Variants in PUS7 observed in about 807,000 individuals in gnomAD.
PUS7 encodes pseudouridine synthase 7, also known as pseudouridylate synthase 7 homolog.
PUS7 carries 48 observed loss-of-function variants against 79.8 expected under a neutral mutation model. The ratio of observed to expected loss-of-function variants is 0.60; its 90% CI spans 0.48 to 0.76. PUS7 has a LOEUF of 0.76. Among genes scored for constraint, PUS7 ranks in the 30% least tolerant of loss-of-function variants. The pLI, the probability that PUS7 is intolerant of heterozygous loss-of-function variation, is 0.00. For synonymous variants in PUS7, 286 were observed against 272.2 expected, an observed-to-expected ratio of 1.05 and a Z score of -0.50; for missense variants, 729 against 797.6, an observed-to-expected ratio of 0.91 and a Z score of 1.04.
intron 12 of PUS7, among the ~76,000 whole-genome samples, chr7:105,466,239 C>G (rs1203827110): frequency 1.3e-5 from 2 of 151,868 alleles, no homozygotes; most frequent in Non-Finnish European, 2.9e-5. Context: ...AAATCAAGGA[C>G]TTAGAAAAAG....
chr7:105,481,537 T>A (rs181071145), intron 8 of PUS7, among the ~76,000 whole-genome samples: 15 of 152,332 alleles, frequency 9.8e-5, no homozygotes, highest in Admixed American at 7.2e-4. Flanking sequence ...GGGTTAATTA[T>A]ATGCACAATG....
Position 105,465,430 on chromosome 7 carries a change from T to G in PUS7, c.1526-16A>C. On this transcript the variant is annotated splice_polypyrimidine_tract_variant and intron_variant, in intron 12 of 15. Coordinates refer to ENST00000469408, the MANE Select transcript of PUS7 (RefSeq NM_019042.5). ...GTGGCTGTGGCTGTAAATTCACAAG[T>G]GAACAATAAATTAAGAAAATAGGCA... 1 of 1,547,416 alleles carries G rather than the reference T, an allele frequency of 6.5e-7. No individual in the cohort carries two copies. Among genetic ancestry groups the G allele is most frequent in the South Asian group, 1.1e-5 (1 of 88,294 alleles).
At chr7:105,509,564 G>T (rs1451765423) in intron 1 of PUS7, among the ~76,000 whole-genome samples, 1 of 152,078 alleles carries the variant, frequency 6.6e-6, no homozygotes, top group Non-Finnish European at 1.5e-5. Context: ...TCCAACTCCT[G>T]GGCTCAAGCA....
intron 7 of PUS7, among the ~76,000 whole-genome samples, chr7:105,483,092 T>C (rs1824393655): frequency 6.6e-6 from 1 of 152,186 alleles, no homozygotes; most frequent in Non-Finnish European, 1.5e-5. Flanking sequence ...AGGAAATGTA[T>C]ATAGAGAAAC....
intron 14 of PUS7, among the ~76,000 whole-genome samples, chr7:105,460,428 A>C (rs1266074805): frequency 6.6e-6 from 1 of 152,216 alleles, no homozygotes; most frequent in Non-Finnish European, 1.5e-5. Context: ...CCTATACTCC[A>C]GAGAGGAGGA....
intron 14 of PUS7, 108 bp downstream of exon 14, chr7:105,462,512 TG>T: frequency 8.8e-7 from 1 of 1,137,606 alleles, no homozygotes; most frequent in Non-Finnish European, 1.3e-6. Flanking sequence ...ATAAGCAATC[TG>T]TCACTGACTG....
At position 105,457,296 on chromosome 7, in the gene PUS7, A is replaced by T. The variant is rs959940409; in HGVS notation, c.*494T>A. 2 of 152,202 alleles carry T rather than the reference A, an allele frequency of 1.3e-5. No individual in the cohort carries two copies. The highest frequency in any genetic ancestry group is 4.8e-5 in the African/African-American group (2 of 41,434). The allele number at this position is 152,202 out of a possible 1,614,324, so 9.4% of individuals were successfully genotyped here. On this transcript the variant is annotated 3_prime_UTR_variant, in exon 16 of 16. Coordinates refer to ENST00000469408, the MANE Select transcript of PUS7 (RefSeq NM_019042.5). ...TAATGACAATCACTTTTTGTTTATA[A>T]ATTTGTAGATGTCTTATTATTTCAG...
intron 7 of PUS7, among the ~76,000 whole-genome samples, chr7:105,491,047 A>T (rs1229356386): frequency 4.6e-5 from 7 of 152,332 alleles, no homozygotes; most frequent in Non-Finnish European, 1.5e-5. Context: ...CCCATTTTCT[A>T]TGAAAGCTTT....
intron 2 of PUS7, among the ~76,000 whole-genome samples, chr7:105,506,808 G>C (rs957860842): frequency 4.6e-5 from 7 of 152,060 alleles, no homozygotes; most frequent in African/African-American, 1.4e-4. Flanking sequence ...TTAGCTTCTA[G>C]AATATTCTTC....
chr7:105,459,249 C>T lies in PUS7; in HGVS notation c.1768G>A (p.Ala590Thr), dbSNP rs1298943162. The T allele has an allele frequency of 8.1e-6, 13 of 1,607,918 alleles. No homozygotes were observed. The highest frequency in any genetic ancestry group is 1.3e-5 in the African/African-American group (1 of 74,760). ...RPQNVSWEVV[A>T]YDDPKIPLFN... is the part of the protein sequence containing the mutation. Reference sequence around the variant, plus strand: ...AGTGGAATTTTGGGATCATCATATGCAACGACTTCCCTTCAAAACATATGA... The same window carrying T: ...AGTGGAATTTTGGGATCATCATATGTAACGACTTCCCTTCAAAACATATGA... The change falls in exon 15 of 16, where the codon GCA becomes ACA. Residue 590 changes from alanine (A) to threonine (T), a missense_variant. Transcript: ENST00000469408.
chr7:105,497,910 TA>T (rs1207558709), intron 5 of PUS7, among the ~76,000 whole-genome samples: 2 of 152,224 alleles, frequency 1.3e-5, no homozygotes, highest in Admixed American at 1.3e-4. Flanking sequence ...ATGTCCATAA[TA>T]AAAACTTTAA....
Position 105,499,292 on chromosome 7 carries a change from A to G in PUS7, c.730+3128T>C, listed in dbSNP as rs144917310. Among the ~76,000 whole-genome samples, 1,026 of 152,274 alleles carry G rather than the reference A, an allele frequency of 6.7e-3. 10 individuals are homozygous for G. Among genetic ancestry groups the G allele is most frequent in the African/African-American group, 0.022 (934 of 41,546 alleles). ...GGGATTCCCTATTCCTGTGGATTCT[A>G]TAACACCAGTCTTTCCCAGAGAGCT... On this transcript the variant is annotated intron_variant, in intron 5 of 15. Coordinates refer to ENST00000469408, the MANE Select transcript of PUS7 (RefSeq NM_019042.5).
At chr7:105,468,239 CTCTT>C (rs1823736237) in intron 12 of PUS7, 94 bp downstream of exon 12, 2 of 1,490,758 alleles carry the variant, frequency 1.3e-6, no homozygotes, top group Non-Finnish European at 1.8e-6. Flanking sequence ...CACCACATCT[CTCTT>C]TCTTAATTAA....
At chr7:105,464,368 C>T (rs1465036023) in intron 13 of PUS7, among the ~76,000 whole-genome samples, 3 of 152,090 alleles carry the variant, frequency 2.0e-5, no homozygotes, top group African/African-American at 4.8e-5. Flanking sequence ...TTAGAGTGAC[C>T]GGACTGTGCC....
At chr7:105,517,135 C>T (rs556595348) in intron 1 of PUS7, among the ~76,000 whole-genome samples, 4 of 150,606 alleles carry the variant, frequency 2.7e-5, no homozygotes, top group South Asian at 2.1e-4. Flanking sequence ...TCCTCTGATA[C>T]TTTCCCCAAA....
intron 4 of PUS7, among the ~76,000 whole-genome samples, chr7:105,505,294 T>C (rs1446462604): frequency 6.6e-6 from 1 of 152,186 alleles, no homozygotes; most frequent in African/African-American, 2.4e-5. Flanking sequence ...TGAGCCACCG[T>C]GCCCGGCGAA....
intron 10 of PUS7, among the ~76,000 whole-genome samples, chr7:105,471,710 C>G (rs368525935): frequency 6.6e-6 from 1 of 151,936 alleles, no homozygotes; most frequent in Admixed American, 6.6e-5. Flanking sequence ...GCCAGGAGTT[C>G]GAGACCAGCC....
intron 1 of PUS7, among the ~76,000 whole-genome samples, chr7:105,510,425 T>C (rs1227310935): frequency 1.3e-5 from 2 of 152,144 alleles, no homozygotes; most frequent in Non-Finnish European, 2.9e-5. Flanking sequence ...TGGTATATAG[T>C]TCTGCAAGAT....
chr7:105,482,352 A>G lies in PUS7; in HGVS notation c.1009T>C (p.Leu337=). Residue 337 remains leucine, a synonymous_variant, in exon 8 of 16, where the codon TTG becomes CTG. Transcript: ENST00000469408. ...NFSYQKNPLK[L]GELQGNHFTV... ...AAGTGGTTTCCTTGAAGCTCTCCCA[A>G]TTTCAGTGGGTTTTTTTGATAGCTG... 1.2e-6 allele frequency: 2 copies of G among 1,613,160 alleles called. No individual in the cohort carries two copies. The highest frequency in any genetic ancestry group is 1.1e-5 in the South Asian group (1 of 91,060).
Sources: gnomAD v4.1 joint callset for allele counts (sites outside exome capture counted in the v4.1 genomes callset) on GRCh38, gnomAD v4.1.1 for gene constraint, MANE v1.5 for transcripts, NCBI Gene and HGNC (gene_info 2026-07-23, HGNC 2026-07-21) for gene names.